PTPRR: variants seen among roughly 807,000 people sequenced by gnomAD.
The protein encoded by PTPRR is protein tyrosine phosphatase receptor type R, also known as receptor-type tyrosine-protein phosphatase R.
PTPRR carries 38 observed loss-of-function variants against 77.2 expected under a neutral mutation model. That is an observed-to-expected ratio of 0.49 (90% CI 0.38 to 0.65). PTPRR has a LOEUF of 0.65. PTPRR is among the 30% of genes least tolerant of loss of function. PTPRR has a pLI of 0.00. For missense variants in PTPRR, 744 were observed against 799.2 expected, an observed-to-expected ratio of 0.93 and a Z score of 0.83; for synonymous variants, 299 against 283.1, an observed-to-expected ratio of 1.06 and a Z score of -0.57.
At chr12:70,916,820 T>C (rs1176937474) in intron 1 of PTPRR, among the ~76,000 whole-genome samples, 1 of 152,184 alleles carries the variant, frequency 6.6e-6, no homozygotes, top group Non-Finnish European at 1.5e-5. Context: ...AGTGAAGAGA[T>C]AGTTTCAGGA....
At chr12:70,741,371 C>T (rs187335999) in intron 6 of PTPRR, among the ~76,000 whole-genome samples, 19 of 152,256 alleles carry the variant, frequency 1.2e-4, no homozygotes, top group Non-Finnish European at 1.9e-4. Flanking sequence ...AGCCTCCATA[C>T]AGAAGAGAGG....
chr12:70,647,645 CAA>C (rs1886248720), intron 13 of PTPRR, among the ~76,000 whole-genome samples: 1 of 152,142 alleles, frequency 6.6e-6, no homozygotes, highest in Non-Finnish European at 1.5e-5. Context: ...TATAGTTGAA[CAA>C]TTTAGTGATA....
intron 3 of PTPRR, among the ~76,000 whole-genome samples, chr12:70,763,452 G>T (rs1890739613): frequency 6.6e-6 from 1 of 152,124 alleles, no homozygotes. Context: ...GGGGAATGTT[G>T]TATTTCTTCT....
intron 8 of PTPRR, among the ~76,000 whole-genome samples, chr12:70,693,741 A>C (rs1417841155): frequency 6.6e-6 from 1 of 152,126 alleles, no homozygotes; most frequent in African/African-American, 2.4e-5. Flanking sequence ...AAAAATGTAT[A>C]ATCATCATCG....
intron 8 of PTPRR, among the ~76,000 whole-genome samples, chr12:70,694,004 G>A (rs960504521): frequency 6.6e-6 from 1 of 152,100 alleles, no homozygotes; most frequent in Non-Finnish European, 1.5e-5. Flanking sequence ...CCTTGTAGGA[G>A]AGTATTGTTA....
At chr12:70,800,047 A>T (rs1278836928) in intron 2 of PTPRR, among the ~76,000 whole-genome samples, 2 of 152,192 alleles carry the variant, frequency 1.3e-5, no homozygotes, top group Non-Finnish European at 2.9e-5. Flanking sequence ...TGCAGCCAGC[A>T]TCTGGGAATA....
At chr12:70,643,838 G>C (rs1193778478) in intron 13 of PTPRR, among the ~76,000 whole-genome samples, 2 of 151,702 alleles carry the variant, frequency 1.3e-5, no homozygotes, top group Non-Finnish European at 2.9e-5. Flanking sequence ...GTGGCTCACT[G>C]CAGCCTCAAC....
intron 2 of PTPRR, among the ~76,000 whole-genome samples, chr12:70,862,913 C>T (rs1430253705): frequency 6.6e-6 from 1 of 151,934 alleles, no homozygotes; most frequent in African/African-American, 2.4e-5. Flanking sequence ...TTTATAATAG[C>T]CTCTCATTTG....
chr12:70,723,331 T>C (rs1889325416), intron 6 of PTPRR, among the ~76,000 whole-genome samples: 1 of 152,182 alleles, frequency 6.6e-6, no homozygotes, highest in Non-Finnish European at 1.5e-5. Context: ...AAGAGAACTT[T>C]TTGAGGGCTT....
chr12:70,751,627 C>T (rs1267251134), intron 5 of PTPRR, among the ~76,000 whole-genome samples: 1 of 152,158 alleles, frequency 6.6e-6, no homozygotes, highest in Non-Finnish European at 1.5e-5. Context: ...CTCTGCTCCA[C>T]TCACTCATTA....
At chr12:70,662,631 C>T in intron 10 of PTPRR, 26 bp from the exon 11 acceptor site, 1 of 1,396,840 alleles carries the variant, frequency 7.2e-7, no homozygotes, top group Non-Finnish European at 1.0e-6. Flanking sequence ...GAGAATACAG[C>T]AAATATTAAT....
rs1886405963 is a variant in PTPRR at position 70,651,840 on chromosome 12, C to T, written c.1880+4864G>A. On this transcript the variant is annotated intron_variant, in intron 13 of 13. Coordinates refer to ENST00000283228, the MANE Select transcript of PTPRR (RefSeq NM_002849.4). The stretch of plus-strand genomic sequence containing the variant: ...AGATTCCAATAGGTCCATTTTGTTA[C>T]TTCCCAAGCTACTTGACTTTGGACA... Among the ~76,000 whole-genome samples the T allele has an allele frequency of 3.3e-5, 5 of 151,830 alleles. 1 individual carries two copies. In the South Asian group the frequency reaches 1.0e-3, roughly 31 times the overall value.
Position 70,676,182 on chromosome 12 carries a change from A to AT in PTPRR, c.1497+7944dup, listed in dbSNP as rs528521375. 4.0e-5 allele frequency among the ~76,000 whole-genome samples: 6 copies of AT among 150,890 alleles called. No individual in the cohort carries two copies. The South Asian group carries it at 1.3e-3, about 32-fold the overall frequency. Reference sequence around the variant, plus strand: ...CTATGTCTCTTAGACACTCTTTTTTATTTTTTTGTCATTTTGATCTTCTAG... The same window carrying AT: ...CTATGTCTCTTAGACACTCTTTTTTATTTTTTTTGTCATTTTGATCTTCTAG... On this transcript the variant is annotated intron_variant, in intron 10 of 13. Coordinates refer to ENST00000283228, the MANE Select transcript of PTPRR (RefSeq NM_002849.4).
intron 2 of PTPRR, among the ~76,000 whole-genome samples, chr12:70,859,615 T>G (rs1892716294): frequency 6.6e-6 from 1 of 151,980 alleles, no homozygotes; most frequent in Admixed American, 6.6e-5. Flanking sequence ...TATACAGATC[T>G]AGAGATGTTT....
At chr12:70,825,711 C>T (rs910527851) in intron 2 of PTPRR, among the ~76,000 whole-genome samples, 2 of 152,166 alleles carry the variant, frequency 1.3e-5, no homozygotes, top group African/African-American at 4.8e-5. Flanking sequence ...TTGTGGGCTC[C>T]CTGTCGCCTC....
At chr12:70,884,821 G>A (rs1215603632) in intron 2 of PTPRR, among the ~76,000 whole-genome samples, 1 of 136,176 alleles carries the variant, frequency 7.3e-6, no homozygotes, top group Admixed American at 8.4e-5. Context: ...GCAGTGAGCC[G>A]AGATCGTGCC....
chr12:70,813,930 A>C (rs553325416), intron 2 of PTPRR, among the ~76,000 whole-genome samples: 4 of 152,212 alleles, frequency 2.6e-5, no homozygotes, highest in Non-Finnish European at 4.4e-5. Context: ...AAAACCAACC[A>C]GAAAAGAACA....
rs186883887 is a variant in PTPRR at position 70,666,697 on chromosome 12, C to T, written c.1498-4092G>A. 3.9e-5 allele frequency among the ~76,000 whole-genome samples: 6 copies of T among 151,970 alleles called. No individual in the cohort carries two copies. The East Asian group carries it at 9.7e-4, about 25-fold the overall frequency. The stretch of plus-strand genomic sequence containing the variant: ...AACTGCATTTATATTGTTTCATAGG[C>T]TTTTCTATTTTCTCTTTCATTTTAA... On this transcript the variant is annotated intron_variant, in intron 10 of 13. Transcript: ENST00000283228.
chr12:70,871,355 C>T (rs1892955714), intron 2 of PTPRR, among the ~76,000 whole-genome samples: 3 of 152,170 alleles, frequency 2.0e-5, no homozygotes. Context: ...ACTCCTACAT[C>T]TTAGGTGTGC....
Sources: gnomAD v4.1 joint callset for allele counts (sites outside exome capture counted in the v4.1 genomes callset) on GRCh38, gnomAD v4.1.1 for gene constraint, MANE v1.5 for transcripts, NCBI Gene and HGNC (gene_info 2026-07-23, HGNC 2026-07-21) for gene names.